The following SLC14A2 variants were observed in gnomAD, a reference collection of about 807,000 sequenced individuals.
The protein encoded by SLC14A2 is solute carrier family 14 member 2, also known as urea transporter 2.
A neutral mutation model predicts 104.6 loss-of-function variants in SLC14A2; 91 were observed. The ratio of observed to expected loss-of-function variants is 0.87; its 90% CI spans 0.73 to 1.04. SLC14A2 has a LOEUF of 1.04. Among genes scored for constraint, SLC14A2 ranks in the 50% least tolerant of loss-of-function variants. The pLI is 0.00. For synonymous variants in SLC14A2, 476 were observed against 466.4 expected, an observed-to-expected ratio of 1.02 and a Z score of -0.27; for missense variants, 1,189 against 1,156.0, an observed-to-expected ratio of 1.03 and a Z score of -0.41.
chr18:45,591,575 T>C (rs1394857397), intron 2 of SLC14A2, among the ~76,000 whole-genome samples: 1 of 152,130 alleles, frequency 6.6e-6, no homozygotes, highest in African/African-American at 2.4e-5. Flanking sequence ...GACCTCGTGA[T>C]CCACCCACCT....
intron 1 of SLC14A2, among the ~76,000 whole-genome samples, chr18:45,373,451 A>G (rs1024661656): frequency 6.6e-6 from 1 of 152,106 alleles, no homozygotes; most frequent in African/African-American, 2.4e-5. Context: ...CTTTTTCTTC[A>G]TAGCAAATAG....
intron 1 of SLC14A2, among the ~76,000 whole-genome samples, chr18:45,462,289 G>A (rs1030376220): frequency 3.9e-5 from 6 of 152,122 alleles, no homozygotes; most frequent in Non-Finnish European, 8.8e-5. Flanking sequence ...TAAAACCTCA[G>A]TACAAAAGGC....
chr18:45,503,798 A>G (rs1598930793), intron 2 of SLC14A2, among the ~76,000 whole-genome samples: 1 of 39,838 alleles, frequency 2.5e-5, no homozygotes, highest in Non-Finnish European at 8.0e-5. Context: ...TGGCTTAATC[A>G]GCCTGGTAGA....
chr18:45,285,670 C>A (rs868462549), intron 1 of SLC14A2, among the ~76,000 whole-genome samples: 2,595 of 147,866 alleles, frequency 0.018, 105 homozygotes, highest in East Asian at 0.081. Flanking sequence ...TGCCCCCCCC[C>A]CCCCTCGGCC....
intron 1 of SLC14A2, among the ~76,000 whole-genome samples, chr18:45,343,859 C>A (rs2085421573): frequency 6.6e-6 from 1 of 152,080 alleles, no homozygotes; most frequent in South Asian, 2.1e-4. Flanking sequence ...CCAGAAGGGA[C>A]AATTTGTGGA....
At chr18:45,625,097 A>G (rs1409619042) in intron 2 of SLC14A2, among the ~76,000 whole-genome samples, 3 of 151,986 alleles carry the variant, frequency 2.0e-5, no homozygotes, top group African/African-American at 7.2e-5. Context: ...GAACTACCCT[A>G]CTGTCTCCAA....
At chr18:45,481,760 G>T in intron 1 of SLC14A2, among the ~76,000 whole-genome samples, 2 of 152,218 alleles carry the variant, frequency 1.3e-5, no homozygotes, top group East Asian at 3.9e-4. Context: ...TTCAAAGTTC[G>T]TGAAGACTAT....
chr18:45,491,479 T>C (rs1166999781), intron 2 of SLC14A2, among the ~76,000 whole-genome samples: 1 of 152,180 alleles, frequency 6.6e-6, no homozygotes, highest in African/African-American at 2.4e-5. Context: ...AGGAGTAGAA[T>C]AGGCTCACAG....
intron 2 of SLC14A2, chr18:45,529,362 T>C (rs936827712): frequency 2.0e-5 from 3 of 152,190 alleles, no homozygotes; most frequent in Non-Finnish European, 1.5e-5. Context: ...TGAAACCCTA[T>C]ATGAAAAATC....
intron 2 of SLC14A2, among the ~76,000 whole-genome samples, chr18:45,625,443 T>C (rs1172567290): frequency 6.6e-6 from 1 of 152,192 alleles, no homozygotes; most frequent in Non-Finnish European, 1.5e-5. Flanking sequence ...TTCATTAAAC[T>C]GCCAAAAGAG....
At chr18:45,574,509 G>T (rs1294631712) in intron 2 of SLC14A2, among the ~76,000 whole-genome samples, 2 of 152,138 alleles carry the variant, frequency 1.3e-5, no homozygotes, top group Non-Finnish European at 2.9e-5. Flanking sequence ...GAGAGGGCTG[G>T]AGAAAGACTC....
At chr18:45,494,915 T>TACACACACATACAC (rs1555696667) in intron 2 of SLC14A2, among the ~76,000 whole-genome samples, 3 of 148,746 alleles carry the variant, frequency 2.0e-5, no homozygotes, top group Admixed American at 2.0e-4. Context: ...CACACACACA[T>TACACACACATACAC]ACACACACAC....
chr18:45,514,473 G>A (rs2043409926), intron 2 of SLC14A2, among the ~76,000 whole-genome samples: 1 of 152,174 alleles, frequency 6.6e-6, no homozygotes, highest in Admixed American at 6.5e-5. Context: ...AATTCAGTAT[G>A]AGATTTGGGT....
chr18:45,629,138 C>T (rs966001689), intron 4 of SLC14A2, among the ~76,000 whole-genome samples: 2 of 152,186 alleles, frequency 1.3e-5, no homozygotes, highest in African/African-American at 4.8e-5. Flanking sequence ...CCAAAGTAAT[C>T]AGAGCTGGAA....
At chr18:45,419,046 A>G (rs2086309711) in intron 1 of SLC14A2, among the ~76,000 whole-genome samples, 1 of 152,220 alleles carries the variant, frequency 6.6e-6, no homozygotes, top group Non-Finnish European at 1.5e-5. Flanking sequence ...TTGATTTCTC[A>G]AGATTTAATG....
At chr18:45,614,547 C>A (rs2045027718), upstream of SLC14A2, among the ~76,000 whole-genome samples, 1 of 152,200 alleles carries the variant, frequency 6.6e-6, no homozygotes, top group African/African-American at 2.4e-5. Context: ...CTATACCCTG[C>A]AAAGCCACAG....
intron 2 of SLC14A2, among the ~76,000 whole-genome samples, chr18:45,501,302 A>G (rs551204520): frequency 6.6e-6 from 1 of 152,320 alleles, no homozygotes. Context: ...CACTCCCCTT[A>G]TAAGGGACCT....
At chr18:45,453,313 A>G (rs1464800209) in intron 1 of SLC14A2, among the ~76,000 whole-genome samples, 1 of 152,130 alleles carries the variant, frequency 6.6e-6, no homozygotes, top group Non-Finnish European at 1.5e-5. Flanking sequence ...CCTGGCTGAG[A>G]GCAGGAACTA....
intron 1 of SLC14A2, among the ~76,000 whole-genome samples, chr18:45,255,701 C>T (rs1228495752): frequency 6.6e-6 from 1 of 152,144 alleles, no homozygotes; most frequent in Non-Finnish European, 1.5e-5. Context: ...GACTGACATT[C>T]CACAGGTCTG....
Sources: gnomAD v4.1 joint callset for allele counts (sites outside exome capture counted in the v4.1 genomes callset) on GRCh38, gnomAD v4.1.1 for gene constraint, MANE v1.5 for transcripts, NCBI Gene and HGNC (gene_info 2026-07-23, HGNC 2026-07-21) for gene names.